Variants in TBC1D5 observed in about 807,000 individuals in gnomAD.
The protein encoded by TBC1D5 is TBC1 domain family member 5, also known as TBC1 domain family, member 5.
A neutral mutation model predicts 100.3 loss-of-function variants in TBC1D5; 75 were observed. The ratio of observed to expected loss-of-function variants is 0.75; its 90% CI spans 0.62 to 0.91. The LOEUF is 0.91. Among genes scored for constraint, TBC1D5 ranks in the 40% least tolerant of loss-of-function variants. TBC1D5 has a pLI of 0.00. For synonymous variants in TBC1D5, 323 were observed against 325.6 expected (o/e 0.99, Z 0.09); for missense variants, 910 against 942.4 (o/e 0.97, Z 0.45).
intron 1 of TBC1D5, among the ~76,000 whole-genome samples, chr3:17,668,929 G>A (rs77362487): frequency 1.3e-5 from 2 of 152,214 alleles, no homozygotes; most frequent in African/African-American, 2.4e-5. Context: ...CCATCTCCAA[G>A]TTGCACAACC....
At chr3:17,680,222 A>T (rs2069259707) in intron 1 of TBC1D5, among the ~76,000 whole-genome samples, 1 of 150,114 alleles carries the variant, frequency 6.7e-6, no homozygotes, top group African/African-American at 2.5e-5. Flanking sequence ...ACTCTAGAAT[A>T]TATGTATATT....
chr3:17,329,269 G>A (rs1012858438), intron 13 of TBC1D5, among the ~76,000 whole-genome samples: 4 of 152,040 alleles, frequency 2.6e-5, no homozygotes, highest in Non-Finnish European at 5.9e-5. Context: ...AACATGAATG[G>A]GTTTATATAA....
intron 3 of TBC1D5, among the ~76,000 whole-genome samples, chr3:17,449,452 C>T (rs1463231276): frequency 6.6e-6 from 1 of 152,114 alleles, no homozygotes; most frequent in African/African-American, 2.4e-5. Context: ...TGGATCCCAC[C>T]CCCACAAAGC....
intron 17 of TBC1D5, among the ~76,000 whole-genome samples, chr3:17,234,844 G>T (rs1443656831): frequency 6.6e-6 from 1 of 152,054 alleles, no homozygotes; most frequent in Non-Finnish European, 1.5e-5. Context: ...AGCTAATCCG[G>T]AAACTGTTAA....
intron 1 of TBC1D5, among the ~76,000 whole-genome samples, chr3:17,678,604 C>T (rs1245915222): frequency 1.4e-5 from 2 of 144,112 alleles, no homozygotes; most frequent in African/African-American, 5.7e-5. Flanking sequence ...CTCAACCTCA[C>T]ACATCCCCCT....
intron 2 of TBC1D5, among the ~76,000 whole-genome samples, chr3:17,532,536 C>T (rs1458517618): frequency 5.3e-5 from 8 of 152,266 alleles, no homozygotes; most frequent in South Asian, 2.1e-4. Flanking sequence ...CACATGCACA[C>T]GTATGTTTAT....
chr3:17,379,108 T>C (rs1009194509), intron 9 of TBC1D5, among the ~76,000 whole-genome samples: 5 of 151,870 alleles, frequency 3.3e-5, no homozygotes, highest in African/African-American at 1.2e-4. Context: ...TTTTTTCAAA[T>C]TTATCTTGAT....
chr3:17,429,917 T>C (rs1023533512), intron 3 of TBC1D5, among the ~76,000 whole-genome samples: 1 of 151,180 alleles, frequency 6.6e-6, no homozygotes, highest in Non-Finnish European at 1.5e-5. Context: ...TTCCAGTTTA[T>C]TTTGTTTTTT....
intron 16 of TBC1D5, among the ~76,000 whole-genome samples, chr3:17,248,757 T>C (rs750118791): frequency 7.2e-5 from 11 of 152,146 alleles, no homozygotes; most frequent in Non-Finnish European, 1.5e-4. Flanking sequence ...CTTTGAAATT[T>C]TGATGCCAGG....
At chr3:17,585,647 C>A (rs528605710) in intron 2 of TBC1D5, among the ~76,000 whole-genome samples, 7 of 152,242 alleles carry the variant, frequency 4.6e-5, no homozygotes, top group Admixed American at 4.6e-4. Flanking sequence ...TTTACTCTCC[C>A]AACAAATCAG....
At chr3:17,290,658 T>C (rs1178311278) in intron 15 of TBC1D5, among the ~76,000 whole-genome samples, 1 of 152,162 alleles carries the variant, frequency 6.6e-6, no homozygotes, top group Non-Finnish European at 1.5e-5. Flanking sequence ...TGTCATCTTG[T>C]GGGGTTTTTT....
intron 2 of TBC1D5, among the ~76,000 whole-genome samples, chr3:17,591,291 C>T (rs2153565026): frequency 7.2e-6 from 1 of 138,330 alleles, no homozygotes; most frequent in East Asian, 2.3e-4. Context: ...AATCATGGCC[C>T]CTCAATTAAT....
chr3:17,621,996 C>G (rs2062696639), intron 2 of TBC1D5, among the ~76,000 whole-genome samples: 1 of 152,162 alleles, frequency 6.6e-6, no homozygotes, highest in African/African-American at 2.4e-5. Flanking sequence ...TCCATCAAAT[C>G]TGATTGGGAT....
chr3:17,588,047 G>A (rs1047925037), intron 2 of TBC1D5, among the ~76,000 whole-genome samples: 4 of 151,752 alleles, frequency 2.6e-5, no homozygotes, highest in Non-Finnish European at 4.4e-5. Flanking sequence ...AAGTGTTAAC[G>A]GTAACAAGAA....
At chr3:17,690,194 A>G (rs2070919662) in intron 1 of TBC1D5, among the ~76,000 whole-genome samples, 1 of 139,426 alleles carries the variant, frequency 7.2e-6, no homozygotes, top group African/African-American at 2.6e-5. Flanking sequence ...TGAAGCATAA[A>G]AATAGCCATA....
intron 2 of TBC1D5, among the ~76,000 whole-genome samples, chr3:17,612,840 T>C (rs2061788807): frequency 6.7e-6 from 1 of 148,526 alleles, no homozygotes; most frequent in South Asian, 2.1e-4. Context: ...TACACTTCTA[T>C]ACACAAGTAA....
At chr3:17,545,601 C>T (rs1260648589) in intron 2 of TBC1D5, among the ~76,000 whole-genome samples, 1 of 152,196 alleles carries the variant, frequency 6.6e-6, no homozygotes, top group Non-Finnish European at 1.5e-5. Flanking sequence ...AAGGTACTTA[C>T]AGTCCAATGA....
intron 2 of TBC1D5, among the ~76,000 whole-genome samples, chr3:17,544,423 C>T (rs1049196166): frequency 6.7e-6 from 1 of 149,168 alleles, no homozygotes; most frequent in Non-Finnish European, 1.5e-5. Flanking sequence ...GAGGCCAAAG[C>T]AGGCAGATCA....
At chr3:17,616,116 T>A (rs1163449670) in intron 2 of TBC1D5, among the ~76,000 whole-genome samples, 1 of 152,240 alleles carries the variant, frequency 6.6e-6, no homozygotes, top group African/African-American at 2.4e-5. Flanking sequence ...TCAAAGAACA[T>A]CTTTATTTCT....
Sources: allele counts gnomAD v4.1 joint callset (sites outside exome capture counted in the v4.1 genomes callset), GRCh38; gene constraint gnomAD v4.1.1; transcripts MANE v1.5; gene names NCBI Gene and HGNC (gene_info 2026-07-23, HGNC 2026-07-21).